NT5M: variants seen among roughly 807,000 people sequenced by gnomAD.
NT5M encodes the protein 5'(3')-deoxyribonucleotidase, mitochondrial.
In NT5M, 22 loss-of-function variants were observed where a neutral mutation model predicts 22.2. The ratio of observed to expected loss-of-function variants is 0.99; its 90% CI spans 0.71 to 1.41. The LOEUF (loss-of-function observed/expected upper bound fraction) is 1.41. Among genes scored for constraint, NT5M ranks in the 40% most tolerant of loss-of-function variants. NT5M has a pLI of 0.00. For missense variants in NT5M, 322 were observed against 314.8 expected, an observed-to-expected ratio of 1.02 and a Z score of -0.17; for synonymous variants, 167 against 133.0, an observed-to-expected ratio of 1.26 and a Z score of -1.76.
chr17:17,325,361 G>A (rs2049243846), intron 3 of NT5M, among the ~76,000 whole-genome samples: 1 of 152,046 alleles, frequency 6.6e-6, no homozygotes, highest in Non-Finnish European at 1.5e-5. Context: ...CTGGGGTGCT[G>A]GTTTCCTTGT....
At chr17:17,326,914 T>C (rs1427009839) in intron 3 of NT5M, among the ~76,000 whole-genome samples, 1 of 152,140 alleles carries the variant, frequency 6.6e-6, no homozygotes, top group Non-Finnish European at 1.5e-5. Context: ...TCTAGTTTTT[T>C]TGTGGGGGAG....
At chr17:17,336,244 C>T (rs1326995401) in intron 3 of NT5M, among the ~76,000 whole-genome samples, 3 of 151,936 alleles carry the variant, frequency 2.0e-5, no homozygotes, top group Non-Finnish European at 4.4e-5. Flanking sequence ...CCTCGTGATC[C>T]GCCTGCCTTG....
chr17:17,344,474 C>G (rs1465734314), intron 3 of NT5M, among the ~76,000 whole-genome samples: 1 of 152,172 alleles, frequency 6.6e-6, no homozygotes, highest in Non-Finnish European at 1.5e-5. Flanking sequence ...CACACATGGC[C>G]GCCCTCTGCT....
chr17:17,323,457 G>C (rs1203611922), intron 3 of NT5M, among the ~76,000 whole-genome samples: 1 of 152,220 alleles, frequency 6.6e-6, no homozygotes, highest in African/African-American at 2.4e-5. Context: ...GCCTGTCACT[G>C]TGTCAGGTTA....
intron 1 of NT5M, among the ~76,000 whole-genome samples, chr17:17,305,413 C>CCCCCCCCCCCCCCCCT (rs1567877233): frequency 1.6e-5 from 2 of 124,974 alleles, no homozygotes; most frequent in Admixed American, 8.0e-5. Flanking sequence ...CCCCCGCCCC[C>CCCCCCCCCCCCCCCCT]ACACACGTGG....
chr17:17,332,296 A>T (rs2049405078), intron 3 of NT5M, among the ~76,000 whole-genome samples: 1 of 152,136 alleles, frequency 6.6e-6, no homozygotes, highest in African/African-American at 2.4e-5. Context: ...GCGGAGCAGG[A>T]AGGGCAGGGA....
chr17:17,306,643 A>G lies in NT5M; in HGVS notation c.368A>G (p.Asn123Ser). The stretch of plus-strand genomic sequence containing the variant: ...GTCAAGGAGATGGCCAGCCTACAAA[A>G]GTAAGTTTGTCCTCCCAGCCACTCA... ...EAVKEMASLQ[N>S]TDVFICTSPI... The change falls in exon 2 of 5, where the codon AAC becomes AGC. Residue 123 changes from asparagine (N) to serine (S), a missense_variant and splice_region_variant. Physicochemically the swap from Asn to Ser is conservative, Grantham distance 46. Transcript: ENST00000389022. 1.2e-6 allele frequency: 2 copies of G among 1,608,632 alleles called. No individual in the cohort carries two copies. The highest frequency in any genetic ancestry group is 2.2e-5 in the South Asian group (2 of 90,978).
chr17:17,324,512 AAAG>A (rs2049225795), intron 3 of NT5M, among the ~76,000 whole-genome samples: 2 of 150,324 alleles, frequency 1.3e-5, no homozygotes, highest in African/African-American at 2.4e-5. Flanking sequence ...AAAAAAAAAA[AAAG>A]AAATTCACAC....
At position 17,303,796 on chromosome 17, in the gene NT5M, C is replaced by A; in HGVS notation, c.246C>A (p.Gly82=). 1 of 1,543,220 alleles carries A rather than the reference C, an allele frequency of 6.5e-7. No homozygotes were observed. Among genetic ancestry groups the A allele is most frequent in the Non-Finnish European group, 8.7e-7 (1 of 1,143,320 alleles). Residue 82 remains glycine, a synonymous_variant, in exon 1 of 5, where the codon GGC becomes GGA. Coordinates refer to ENST00000389022, the MANE Select transcript of NT5M (RefSeq NM_020201.4). ...GCTTCTGGGTGTCGGAGCAGTACGG[C>A]CGCCTGCGGCCAGGGCTGAGCGTGA... ...RRGFWVSEQY[G]RLRPGLSEKA... is the part of the protein sequence containing the mutation.
intron 3 of NT5M, among the ~76,000 whole-genome samples, chr17:17,339,953 A>G (rs1397727924): frequency 2.6e-5 from 4 of 151,754 alleles, no homozygotes; most frequent in African/African-American, 9.7e-5. Context: ...CTTTTTTTCA[A>G]TGTGTTTTTG....
At chr17:17,322,030 G>GC (rs2049161803) in intron 2 of NT5M, among the ~76,000 whole-genome samples, 1 of 152,068 alleles carries the variant, frequency 6.6e-6, no homozygotes, top group African/African-American at 2.4e-5. Flanking sequence ...GAGGTGGGGA[G>GC]GGTTAGGAAC....
At position 17,323,359 on chromosome 17, in the gene NT5M, TGTGACA is replaced by T. The variant is rs1270964633; in HGVS notation, c.429+116_429+121del. On this transcript the variant is annotated intron_variant, in intron 3 of 4. Coordinates refer to ENST00000389022, the MANE Select transcript of NT5M (RefSeq NM_020201.4). ...GACCCTCACAGCACTCCCCCACCTCTGTGACAGCGGCTTTCTGCTCCCCAAGGACCT... is the reference window on the plus strand; with the variant it reads ...GACCCTCACAGCACTCCCCCACCTCTGCGGCTTTCTGCTCCCCAAGGACCT... The T allele has an allele frequency of 3.4e-6, 3 of 877,168 alleles. No homozygotes were observed. In the African/African-American group the frequency reaches 4.9e-5, roughly 14 times the overall value. The allele number at this position is 877,168 out of a possible 1,614,324, so 54.3% of individuals were successfully genotyped here.
At chr17:17,314,426 C>A (rs1251089068) in intron 2 of NT5M, among the ~76,000 whole-genome samples, 1 of 152,174 alleles carries the variant, frequency 6.6e-6, no homozygotes, top group Non-Finnish European at 1.5e-5. Flanking sequence ...CCTTGGCCCA[C>A]TCTTCTTGCT....
At chr17:17,335,906 A>G (rs2049498988) in intron 3 of NT5M, among the ~76,000 whole-genome samples, 1 of 152,090 alleles carries the variant, frequency 6.6e-6, no homozygotes, top group Admixed American at 6.6e-5. Flanking sequence ...TGCTGGGATT[A>G]CAGGCATGAG....
chr17:17,322,635 A>G (rs538021678), intron 2 of NT5M, among the ~76,000 whole-genome samples: 1 of 152,260 alleles, frequency 6.6e-6, no homozygotes, highest in African/African-American at 2.4e-5. Flanking sequence ...CAGCCTCATG[A>G]GGGTGTTTGG....
At chr17:17,341,669 T>C (rs1299196735) in intron 3 of NT5M, among the ~76,000 whole-genome samples, 3 of 152,238 alleles carry the variant, frequency 2.0e-5, no homozygotes, top group African/African-American at 7.2e-5. Flanking sequence ...TAAGTGCTCA[T>C]GGCTGGGCTC....
chr17:17,338,875 C>T (rs1337859482), intron 3 of NT5M, among the ~76,000 whole-genome samples: 4 of 151,448 alleles, frequency 2.6e-5, no homozygotes, highest in Middle Eastern at 3.4e-3. Flanking sequence ...TACAGGCGCC[C>T]GCCACCACGC....
intron 3 of NT5M, among the ~76,000 whole-genome samples, chr17:17,324,155 G>T (rs1053854422): frequency 6.6e-6 from 1 of 150,906 alleles, no homozygotes; most frequent in Non-Finnish European, 1.5e-5. Flanking sequence ...GATTATAGGC[G>T]TGAGCCACCG....
intron 3 of NT5M, among the ~76,000 whole-genome samples, chr17:17,323,918 C>G (rs1401277429): frequency 1.3e-5 from 2 of 152,150 alleles, no homozygotes; most frequent in Non-Finnish European, 2.9e-5. Flanking sequence ...TGTTGTTGCA[C>G]AGGCTGGAGT....
Sources: gnomAD v4.1 joint callset for allele counts (sites outside exome capture counted in the v4.1 genomes callset) on GRCh38, gnomAD v4.1.1 for gene constraint, MANE v1.5 for transcripts, NCBI Gene and HGNC (gene_info 2026-07-23, HGNC 2026-07-21) for gene names.